Variants in ADGRL2 observed in about 807,000 individuals in gnomAD.
ADGRL2 encodes the protein adhesion G protein-coupled receptor L2, also known as calcium-independent alpha-latrotoxin receptor 2.
A neutral mutation model predicts 157.4 loss-of-function variants in ADGRL2; 44 were observed. The observed-to-expected ratio is 0.28, with a 90% CI of 0.22 to 0.36. The LOEUF (loss-of-function observed/expected upper bound fraction) is 0.36, where lower values mean the gene tolerates loss of function less well. Among genes scored for constraint, ADGRL2 ranks in the 10% least tolerant of loss-of-function variants. The probability of loss-of-function intolerance (pLI) is 1.00; values close to 1 mark genes in which losing one functional copy is unlikely to be tolerated. For synonymous variants in ADGRL2, 585 were observed against 624.7 expected (o/e 0.94, Z 0.95); for missense variants, 1,510 against 1,768.9 (o/e 0.85, Z 2.63).
At position 81,565,325 on chromosome 1, in the gene ADGRL2, G is replaced by C. The variant is rs115248563; in HGVS notation, c.-247-15551G>C. 3.5e-3 allele frequency among the ~76,000 whole-genome samples: 536 copies of C among 152,304 alleles called. 4 individuals are homozygous for C. Among genetic ancestry groups the C allele is most frequent in the African/African-American group, 0.012 (515 of 41,568 alleles). ...CCTTAGCTACAGAACAGGATAGAAT[G>C]TTAAGAACAGCACTTAGCATGCTAT... is the stretch of plus-strand genomic sequence containing the variant. On this transcript the variant is annotated intron_variant, in intron 2 of 24. Transcript: ENST00000370721.
At chr1:81,424,752 T>C (rs1483034552) in intron 1 of ADGRL2, among the ~76,000 whole-genome samples, 1 of 152,220 alleles carries the variant, frequency 6.6e-6, no homozygotes, top group Non-Finnish European at 1.5e-5. Context: ...GTTTTTATTC[T>C]TACCCTCCAG....
At chr1:81,771,821 A>C (rs1469424685) in intron 2 of ADGRL2, among the ~76,000 whole-genome samples, 1 of 152,268 alleles carries the variant, frequency 6.6e-6, no homozygotes, top group East Asian at 1.9e-4. Context: ...TAAGTGAGCA[A>C]GAATTAGATG....
At chr1:81,557,313 T>C (rs1404047645) in intron 2 of ADGRL2, 2 of 197,114 alleles carry the variant, frequency 1.0e-5, no homozygotes, top group East Asian at 1.2e-4. Context: ...TTTTGAGACA[T>C]CCTCTTTGAT....
intron 3 of ADGRL2, among the ~76,000 whole-genome samples, chr1:81,663,733 T>G (rs935309713): frequency 5.9e-5 from 9 of 152,188 alleles, no homozygotes; most frequent in African/African-American, 2.2e-4. Context: ...CTATTAAATC[T>G]CCCATTTGCA....
chr1:81,546,563 G>T (rs182040929), intron 2 of ADGRL2, among the ~76,000 whole-genome samples: 1 of 152,142 alleles, frequency 6.6e-6, no homozygotes, highest in African/African-American at 2.4e-5. Context: ...AAGAAATGGC[G>T]CTTATTTCTT....
intron 6 of ADGRL2, among the ~76,000 whole-genome samples, chr1:81,946,236 T>C (rs1649782853): frequency 1.3e-5 from 2 of 152,176 alleles, no homozygotes; most frequent in African/African-American, 4.8e-5. Flanking sequence ...TCATTTTTCA[T>C]TGTGGACTGT....
chr1:81,629,195 G>C (rs2081964909), intron 3 of ADGRL2, among the ~76,000 whole-genome samples: 1 of 152,124 alleles, frequency 6.6e-6, no homozygotes, highest in Non-Finnish European at 1.5e-5. Flanking sequence ...AGGGTATTTT[G>C]AAAAGAAATA....
At chr1:81,714,694 C>T (rs952291483) in intron 1 of ADGRL2, among the ~76,000 whole-genome samples, 2 of 152,088 alleles carry the variant, frequency 1.3e-5, no homozygotes, top group African/African-American at 4.8e-5. Flanking sequence ...AATATTATAA[C>T]TTACTGATCA....
chr1:81,542,056 A>G (rs545449311), intron 2 of ADGRL2, among the ~76,000 whole-genome samples: 5 of 152,358 alleles, frequency 3.3e-5, no homozygotes, highest in African/African-American at 1.2e-4. Context: ...GAAAAGGGCT[A>G]TAGTTTTGCT....
At chr1:81,882,368 A>G (rs1195602188) in intron 2 of ADGRL2, among the ~76,000 whole-genome samples, 1 of 152,226 alleles carries the variant, frequency 6.6e-6, no homozygotes, top group East Asian at 1.9e-4. Context: ...TCATCAGAGT[A>G]AAAATTAATT....
At chr1:81,385,921 C>T (rs572201036) in intron 1 of ADGRL2, among the ~76,000 whole-genome samples, 1 of 151,832 alleles carries the variant, frequency 6.6e-6, no homozygotes, top group Non-Finnish European at 1.5e-5. Flanking sequence ...CTTTAGAAAC[C>T]AGGAAAATAA....
chr1:81,493,244 C>T (rs2078669378), intron 2 of ADGRL2, among the ~76,000 whole-genome samples: 1 of 152,204 alleles, frequency 6.6e-6, no homozygotes, highest in African/African-American at 2.4e-5. Context: ...AGCATGATAG[C>T]TCAGCAGATG....
At chr1:81,335,472 C>A (rs1661568469) in intron 1 of ADGRL2, among the ~76,000 whole-genome samples, 1 of 152,170 alleles carries the variant, frequency 6.6e-6, no homozygotes, top group Non-Finnish European at 1.5e-5. Flanking sequence ...TCTACACAAG[C>A]CAAACCCTCA....
At chr1:81,497,876 A>G (rs2078762937) in intron 2 of ADGRL2, among the ~76,000 whole-genome samples, 4 of 152,236 alleles carry the variant, frequency 2.6e-5, no homozygotes, top group Non-Finnish European at 1.5e-5. Context: ...AGGCTAAAGC[A>G]TACAATAGAT....
intron 1 of ADGRL2, among the ~76,000 whole-genome samples, chr1:81,309,949 T>C (rs1018201438): frequency 4.6e-5 from 7 of 152,188 alleles, no homozygotes; most frequent in African/African-American, 1.4e-4. Flanking sequence ...CTGATAACAA[T>C]TAAAATTTTG....
chr1:81,406,676 C>T (rs4478855), intron 1 of ADGRL2, among the ~76,000 whole-genome samples: 146,727 of 152,300 alleles, frequency 0.96, 70,780 homozygotes, highest in Non-Finnish European at 0.99. Context: ...TAATTAAAAA[C>T]AACAAATGAC....
At chr1:81,721,706 A>C (rs2084328942) in intron 1 of ADGRL2, 1 of 1,371,764 alleles carries the variant, frequency 7.3e-7, no homozygotes, top group Admixed American at 1.7e-5. Context: ...GACCCCCCGC[A>C]AAGTGAACGA....
intron 6 of ADGRL2, among the ~76,000 whole-genome samples, chr1:81,947,440 G>A (rs971285319): frequency 2.0e-5 from 3 of 152,142 alleles, no homozygotes; most frequent in African/African-American, 7.2e-5. Context: ...TAAGATCATA[G>A]CATTTAAGAG....
chr1:81,537,235 T>A (rs895742111), intron 2 of ADGRL2, among the ~76,000 whole-genome samples: 1 of 152,204 alleles, frequency 6.6e-6, no homozygotes, highest in African/African-American at 2.4e-5. Context: ...TCTGTGCCTT[T>A]TAAAGTTATA....
Sources: allele counts gnomAD v4.1 joint callset (sites outside exome capture counted in the v4.1 genomes callset), GRCh38; gene constraint gnomAD v4.1.1; transcripts MANE v1.5; gene names NCBI Gene and HGNC (gene_info 2026-07-23, HGNC 2026-07-21).